The following DENND1A variants were observed in gnomAD, a reference collection of about 807,000 sequenced individuals.
DENND1A encodes DENN domain containing 1A.
Under a neutral mutation model 113.7 loss-of-function variants are expected in DENND1A, and 51 were observed. That is an observed-to-expected ratio of 0.45 (90% CI 0.36 to 0.57). DENND1A has a LOEUF of 0.57. DENND1A is among the 20% of genes least tolerant of loss of function. DENND1A has a pLI of 0.00. For synonymous variants in DENND1A, 565 were observed against 570.8 expected, an observed-to-expected ratio of 0.99 and a Z score of 0.14; for missense variants, 1,258 against 1,395.9, an observed-to-expected ratio of 0.90 and a Z score of 1.57.
chr9:123,594,805 T>C (rs1262664646), intron 11 of DENND1A, among the ~76,000 whole-genome samples: 1 of 152,174 alleles, frequency 6.6e-6, no homozygotes, highest in African/African-American at 2.4e-5. Flanking sequence ...CCCAAATGCA[T>C]GTGCATATAT....
intron 2 of DENND1A, among the ~76,000 whole-genome samples, chr9:123,839,574 T>C (rs1841531853): frequency 6.6e-6 from 1 of 152,198 alleles, no homozygotes. Flanking sequence ...GTTAAGGAAA[T>C]AAACAGTATT....
intron 5 of DENND1A, among the ~76,000 whole-genome samples, chr9:123,709,081 C>T (rs574890765): frequency 6.6e-6 from 1 of 152,336 alleles, no homozygotes; most frequent in Non-Finnish European, 1.5e-5. Flanking sequence ...TGTCACTCTA[C>T]AACCCAGCAG....
Position 123,557,705 on chromosome 9 carries a change from G to T in DENND1A, c.868-10C>A. 6.2e-7 allele frequency: 1 copy of T among 1,613,404 alleles called. No individual in the cohort carries two copies. The highest frequency in any genetic ancestry group is 1.1e-5 in the South Asian group (1 of 90,870). ...TCTTCAGGGAAGAGATCTGGTGATG[G>T]AGAGAAGGAAAACACAGGTTGAGGA... On this transcript the variant is annotated splice_polypyrimidine_tract_variant and intron_variant, in intron 12 of 23. Transcript: ENST00000394215.
intron 9 of DENND1A, among the ~76,000 whole-genome samples, chr9:123,645,507 T>G (rs2062269692): frequency 6.6e-6 from 1 of 152,118 alleles, no homozygotes; most frequent in Admixed American, 6.5e-5. Context: ...AATTCTGAAT[T>G]TGAAGAGGTC....
intron 5 of DENND1A, among the ~76,000 whole-genome samples, chr9:123,695,200 A>G (rs1324970048): frequency 1.3e-5 from 2 of 150,876 alleles, no homozygotes; most frequent in Non-Finnish European, 2.9e-5. Context: ...TTAATACTTA[A>G]TAACTCTCCA....
chr9:123,915,122 T>A (rs1396592241), intron 1 of DENND1A, among the ~76,000 whole-genome samples: 4 of 152,102 alleles, frequency 2.6e-5, no homozygotes, highest in Non-Finnish European at 5.9e-5. Context: ...ACAGGGCTAG[T>A]GTACAAATAA....
chr9:123,656,666 G>A (rs1406787845), intron 8 of DENND1A, among the ~76,000 whole-genome samples: 1 of 152,144 alleles, frequency 6.6e-6, no homozygotes, highest in East Asian at 1.9e-4. Context: ...TCCTTCTAAA[G>A]CACCATAATT....
chr9:123,750,436 T>C (rs2069913172), intron 5 of DENND1A, among the ~76,000 whole-genome samples: 1 of 152,198 alleles, frequency 6.6e-6, no homozygotes, highest in Non-Finnish European at 1.5e-5. Flanking sequence ...CACACAAGCC[T>C]TTCAAAATAC....
At position 123,457,860 on chromosome 9, in the gene DENND1A, G is replaced by A; in HGVS notation, c.1031C>T (p.Ser344Phe). The change falls in exon 14 of 24, where the codon TCC becomes TTC. Residue 344 changes from serine (S) to phenylalanine (F), a missense_variant. Transcript: ENST00000394215. ...PITFCEEAFV[S>F]HYRSGAMRQF... ...CCTCATGGCTCCGGAGCGGTAGTGGGACACGAAGGCTTCCTCACAGAAAGT... is the reference window on the plus strand; with the variant it reads ...CCTCATGGCTCCGGAGCGGTAGTGGAACACGAAGGCTTCCTCACAGAAAGT... 1.2e-6 allele frequency: 2 copies of A among 1,612,732 alleles called. No homozygotes were observed. The highest frequency in any genetic ancestry group is 1.7e-6 in the Non-Finnish European group (2 of 1,179,434).
At chr9:123,852,632 C>T (rs911337321) in intron 2 of DENND1A, among the ~76,000 whole-genome samples, 3 of 152,198 alleles carry the variant, frequency 2.0e-5, no homozygotes, top group Admixed American at 1.3e-4. Context: ...TATAACAGCA[C>T]ACTCCCAGTG....
intron 1 of DENND1A, among the ~76,000 whole-genome samples, chr9:123,890,268 G>T (rs1194179662): frequency 6.6e-6 from 1 of 152,160 alleles, no homozygotes; most frequent in Non-Finnish European, 1.5e-5. Flanking sequence ...ACTCACACCT[G>T]TTTAGAGTGG....
Position 123,382,362 on chromosome 9 carries a change from G to C in DENND1A, c.2283C>G (p.Pro761=), listed in dbSNP as rs149511328. ...PTPTLGSITI[P]RPQGRKTPEL... Reference sequence around the variant, plus strand: ...CTGGGGTCTTCCTGCCTTGGGGCCGGGGGATGGTGATGCTGCCCAGAGTAG... The same window carrying C: ...CTGGGGTCTTCCTGCCTTGGGGCCGCGGGATGGTGATGCTGCCCAGAGTAG... Residue 761 remains proline (P), a synonymous_variant, in exon 24 of 24, where the codon CCC becomes CCG. Transcript: ENST00000394215. 1 of 1,600,944 alleles carries C rather than the reference G, an allele frequency of 6.2e-7. No homozygotes were observed. Among genetic ancestry groups the C allele is most frequent in the African/African-American group, 1.3e-5 (1 of 74,790 alleles).
chr9:123,650,435 T>C (rs1296817036), intron 9 of DENND1A, among the ~76,000 whole-genome samples: 2 of 152,186 alleles, frequency 1.3e-5, no homozygotes, highest in Admixed American at 6.5e-5. Flanking sequence ...GGCCCTTCAT[T>C]AGGGAACTCT....
intron 20 of DENND1A, among the ~76,000 whole-genome samples, chr9:123,408,316 T>C (rs1476433777): frequency 1.3e-5 from 2 of 152,168 alleles, no homozygotes; most frequent in African/African-American, 4.8e-5. Context: ...CATAAATGCA[T>C]TTAGAATAAA....
intron 19 of DENND1A, among the ~76,000 whole-genome samples, chr9:123,434,676 A>G (rs2046385586): frequency 6.6e-6 from 1 of 152,000 alleles, no homozygotes; most frequent in African/African-American, 2.4e-5. Flanking sequence ...GAAGCAACTC[A>G]CTCTTCCTAG....
chr9:123,886,138 C>G (rs561893954), intron 1 of DENND1A, among the ~76,000 whole-genome samples: 1 of 152,122 alleles, frequency 6.6e-6, no homozygotes, highest in African/African-American at 2.4e-5. Context: ...TAGACAAAGG[C>G]TTTGACAGTA....
At chr9:123,530,678 A>G (rs1005517954) in intron 13 of DENND1A, among the ~76,000 whole-genome samples, 4 of 152,200 alleles carry the variant, frequency 2.6e-5, no homozygotes, top group Non-Finnish European at 4.4e-5. Context: ...TGAGTGTCCA[A>G]TTAGTAAAGC....
At chr9:123,478,751 A>C (rs1476667935) in intron 13 of DENND1A, among the ~76,000 whole-genome samples, 1 of 152,228 alleles carries the variant, frequency 6.6e-6, no homozygotes, top group Non-Finnish European at 1.5e-5. Flanking sequence ...TTCACCATAA[A>C]ATTCTTTCCA....
chr9:123,472,264 C>T (rs1003248445), intron 13 of DENND1A, among the ~76,000 whole-genome samples: 3 of 151,840 alleles, frequency 2.0e-5, no homozygotes, highest in South Asian at 4.2e-4. Context: ...AGAAAGGCCA[C>T]TGGGGGAGGG....
Sources: allele counts gnomAD v4.1 joint callset (sites outside exome capture counted in the v4.1 genomes callset), GRCh38; gene constraint gnomAD v4.1.1; transcripts MANE v1.5; gene names NCBI Gene and HGNC (gene_info 2026-07-23, HGNC 2026-07-21).